The following XKR9 variants were observed in gnomAD, a reference collection of about 807,000 sequenced individuals.
XKR9 encodes the protein XK-related protein 9.
XKR9 carries 32 observed loss-of-function variants against 32.0 expected under a neutral mutation model. That is an observed-to-expected ratio of 1.00 (90% CI 0.76 to 1.34). XKR9 has a LOEUF of 1.34. Among genes scored for constraint, XKR9 ranks in the 40% most tolerant of loss-of-function variants. The probability of loss-of-function intolerance (pLI) is 0.00; values close to 1 mark genes in which losing one functional copy is unlikely to be tolerated. For missense variants in XKR9, 546 were observed against 429.7 expected (o/e 1.27, Z -2.39); for synonymous variants, 168 against 143.4 (o/e 1.17, Z -1.22).
chr8:70,909,460 C>A, the XKR9 span, among the ~76,000 whole-genome samples: 1 of 151,964 alleles, frequency 6.6e-6, no homozygotes, highest in Non-Finnish European at 1.5e-5. Flanking sequence ...CTCTGTGTTC[C>A]AATAGGCCAT....
the XKR9 span, among the ~76,000 whole-genome samples, chr8:70,999,932 C>T: frequency 6.6e-6 from 1 of 152,154 alleles, no homozygotes; most frequent in Non-Finnish European, 1.5e-5. Context: ...AACCTTGCAT[C>T]CCTTTTCTCT....
chr8:71,043,592 G>A, the XKR9 span, among the ~76,000 whole-genome samples: 92,270 of 151,986 alleles, frequency 0.61, 29,855 homozygotes, highest in East Asian at 0.93. Flanking sequence ...GGAAAGATGC[G>A]TTATTTCATA....
the XKR9 span, among the ~76,000 whole-genome samples, chr8:70,938,763 C>A: frequency 6.6e-6 from 1 of 152,114 alleles, no homozygotes; most frequent in East Asian, 1.9e-4. Flanking sequence ...TGGGTTCTTC[C>A]AGCTGGACAT....
intron 4 of XKR9, among the ~76,000 whole-genome samples, chr8:70,717,492 G>T (rs924875273): frequency 2.0e-5 from 3 of 152,208 alleles, no homozygotes; most frequent in African/African-American, 7.2e-5. Flanking sequence ...CAAGGCCTGG[G>T]ACTTGTACCC....
At chr8:70,956,058 G>A in the XKR9 span, among the ~76,000 whole-genome samples, 1 of 152,194 alleles carries the variant, frequency 6.6e-6, no homozygotes, top group Non-Finnish European at 1.5e-5. Flanking sequence ...AAGGGTCGCA[G>A]CTCTTCTCTC....
At chr8:70,863,161 G>A in the XKR9 span, among the ~76,000 whole-genome samples, 48,504 of 152,024 alleles carry the variant, frequency 0.32, 9,098 homozygotes, top group Non-Finnish European at 0.43. Flanking sequence ...AGACCTGTCA[G>A]ATGTTGAGAG....
the XKR9 span, among the ~76,000 whole-genome samples, chr8:70,888,935 G>C: frequency 6.6e-6 from 1 of 152,034 alleles, no homozygotes; most frequent in African/African-American, 2.4e-5. Flanking sequence ...TGGCTATTCA[G>C]AGTCTTTTGT....
the XKR9 span, among the ~76,000 whole-genome samples, chr8:70,820,805 A>G: frequency 6.6e-6 from 1 of 152,152 alleles, no homozygotes; most frequent in African/African-American, 2.4e-5. Context: ...CATGGGGGAA[A>G]CCAATTATGT....
chr8:70,824,395 T>C, the XKR9 span, among the ~76,000 whole-genome samples: 1 of 152,132 alleles, frequency 6.6e-6, no homozygotes, highest in Admixed American at 6.6e-5. Flanking sequence ...AGGTCTGTTC[T>C]TTATTCATGA....
the XKR9 span, among the ~76,000 whole-genome samples, chr8:71,025,827 C>A: frequency 1.3e-5 from 2 of 152,170 alleles, no homozygotes; most frequent in South Asian, 4.1e-4. Context: ...CTCTAATGAT[C>A]TTTTCTGGAT....
chr8:70,702,926 CTT>C, intron 3 of XKR9, among the ~76,000 whole-genome samples: 1 of 152,164 alleles, frequency 6.6e-6, no homozygotes, highest in East Asian at 1.9e-4. Context: ...TGTTTTCTGA[CTT>C]TTGTTGTTTC....
At chr8:71,062,219 G>C in the XKR9 span, among the ~76,000 whole-genome samples, 2 of 152,164 alleles carry the variant, frequency 1.3e-5, no homozygotes, top group African/African-American at 4.8e-5. Flanking sequence ...AGATCTAAGG[G>C]AAAGAGTTTC....
chr8:70,871,468 A>AAT, the XKR9 span, among the ~76,000 whole-genome samples: 2 of 152,170 alleles, frequency 1.3e-5, no homozygotes, highest in African/African-American at 2.4e-5. Flanking sequence ...AAATTCTCAT[A>AAT]ATATTTCAAA....
At chr8:70,863,115 A>C in the XKR9 span, among the ~76,000 whole-genome samples, 1 of 152,066 alleles carries the variant, frequency 6.6e-6, no homozygotes, top group South Asian at 2.1e-4. Flanking sequence ...GAGAGACTAG[A>C]GCCTTGAGGG....
rs142868544 is a variant in XKR9, at chr8:70,732,110, C to T, written c.494-1686C>T. Among the ~76,000 whole-genome samples the T allele has an allele frequency of 2.6e-3, 402 of 152,116 alleles. 1 individual carries two copies. The highest frequency in any genetic ancestry group is 0.01 in the Middle Eastern group (3 of 294). On this transcript the variant is annotated intron_variant, in intron 4 of 4. Coordinates refer to ENST00000408926, the MANE Select transcript of XKR9 (RefSeq NM_001011720.2). ...GGGGCTATAGACAAACCAAGACCCC[C>T]GAAGGAGCTGAACTGAGATAGACAC... is the stretch of plus-strand genomic sequence containing the variant.
At chr8:70,835,426 G>C in the XKR9 span, among the ~76,000 whole-genome samples, 2 of 152,042 alleles carry the variant, frequency 1.3e-5, no homozygotes, top group Non-Finnish European at 2.9e-5. Flanking sequence ...AGAAATCTGA[G>C]CATCATTGGC....
the XKR9 span, among the ~76,000 whole-genome samples, chr8:70,932,163 T>C: frequency 1.3e-5 from 2 of 151,742 alleles, no homozygotes; most frequent in African/African-American, 4.8e-5. Flanking sequence ...TAAAATATTA[T>C]ATTGTTATTA....
At chr8:70,782,481 G>A (rs1807630139) in intron 2 of XKR9, among the ~76,000 whole-genome samples, 1 of 151,886 alleles carries the variant, frequency 6.6e-6, no homozygotes, top group African/African-American at 2.4e-5. Flanking sequence ...GCTGCATACA[G>A]TTGTAAAAAA....
At chr8:70,988,626 T>C in the XKR9 span, among the ~76,000 whole-genome samples, 1 of 152,226 alleles carries the variant, frequency 6.6e-6, no homozygotes, top group African/African-American at 2.4e-5. Context: ...TATTTTGTTA[T>C]TAGTTCTTCA....
Sources: gnomAD v4.1 joint callset for allele counts (sites outside exome capture counted in the v4.1 genomes callset) on GRCh38, gnomAD v4.1.1 for gene constraint, MANE v1.5 for transcripts, NCBI Gene and HGNC (gene_info 2026-07-23, HGNC 2026-07-21) for gene names.